The following SLC25A21 variants were observed in gnomAD, a reference collection of about 807,000 sequenced individuals.
SLC25A21 encodes mitochondrial 2-oxodicarboxylate carrier.
Under a neutral mutation model 43.8 loss-of-function variants are expected in SLC25A21, and 47 were observed. That is an observed-to-expected ratio of 1.07 (90% CI 0.85 to 1.37). The LOEUF (loss-of-function observed/expected upper bound fraction) is 1.37, where lower values mean the gene tolerates loss of function less well. SLC25A21 is among the 40% of genes most tolerant of loss of function. SLC25A21 has a pLI of 0.00. For synonymous variants in SLC25A21, 131 were observed against 121.3 expected (o/e 1.08, Z -0.52); for missense variants, 352 against 350.2 (o/e 1.00, Z -0.04).
chr14:36,746,091 C>G (rs868203706), intron 3 of SLC25A21, among the ~76,000 whole-genome samples: 16 of 152,100 alleles, frequency 1.1e-4, no homozygotes, highest in African/African-American at 3.9e-4. Context: ...ATCCATCAAT[C>G]CCACTACTGG....
At chr14:36,700,669 A>C (rs1177370614) in intron 7 of SLC25A21, among the ~76,000 whole-genome samples, 1 of 152,212 alleles carries the variant, frequency 6.6e-6, no homozygotes, top group Non-Finnish European at 1.5e-5. Flanking sequence ...ACTTGTTCAA[A>C]ATATCTAAAG....
At chr14:36,848,310 C>T (rs1039374010) in intron 2 of SLC25A21, among the ~76,000 whole-genome samples, 2 of 152,136 alleles carry the variant, frequency 1.3e-5, no homozygotes, top group African/African-American at 2.4e-5. Flanking sequence ...AAGAATTATA[C>T]GTTATGTATA....
intron 3 of SLC25A21, among the ~76,000 whole-genome samples, chr14:36,773,349 C>A (rs1054949886): frequency 5.9e-5 from 9 of 152,156 alleles, no homozygotes; most frequent in African/African-American, 2.2e-4. Flanking sequence ...AATTAACATT[C>A]ATCTGGGAGG....
chr14:36,952,726 A>G (rs2138663739), intron 1 of SLC25A21, among the ~76,000 whole-genome samples: 1 of 152,324 alleles, frequency 6.6e-6, no homozygotes, highest in African/African-American at 2.4e-5. Flanking sequence ...AAACAAAAAC[A>G]GTGATTCCTT....
Position 36,795,976 on chromosome 14 carries a change from AAGG to A in SLC25A21, c.203+17939_203+17941del, listed in dbSNP as rs369826802. Among the ~76,000 whole-genome samples the A allele has an allele frequency of 2.1e-3, 316 of 152,340 alleles. 3 individuals carry two copies. The highest frequency in any genetic ancestry group is 7.2e-3 in the African/African-American group (299 of 41,586). ...TCAGAACAAGAATAACCTAAATGCCAAGGAGTTGTTCCAGCTCATCAAAGTCAT... is the reference window on the plus strand; with the variant it reads ...TCAGAACAAGAATAACCTAAATGCCAAGTTGTTCCAGCTCATCAAAGTCAT... On this transcript the variant is annotated intron_variant, in intron 3 of 9. Transcript: ENST00000331299.
chr14:37,169,580 AACACAC>A (rs1321339179), intron 1 of SLC25A21, among the ~76,000 whole-genome samples: 2 of 145,190 alleles, frequency 1.4e-5, no homozygotes, highest in African/African-American at 5.0e-5. Context: ...AAAAGGTCAT[AACACAC>A]ACACACACAC....
intron 1 of SLC25A21, among the ~76,000 whole-genome samples, chr14:36,967,000 A>G (rs1959632365): frequency 6.6e-6 from 1 of 152,176 alleles, no homozygotes; most frequent in African/African-American, 2.4e-5. Flanking sequence ...ATATATGTAT[A>G]TCCCCTTAGC....
At chr14:36,922,327 T>C (rs886431256) in intron 1 of SLC25A21, among the ~76,000 whole-genome samples, 1 of 152,072 alleles carries the variant, frequency 6.6e-6, no homozygotes, top group African/African-American at 2.4e-5. Context: ...AAGTTATCTC[T>C]ATGATCGTTC....
chr14:36,918,847 A>C (rs2138621338), intron 1 of SLC25A21, among the ~76,000 whole-genome samples: 1 of 152,278 alleles, frequency 6.6e-6, no homozygotes. Context: ...AAGCTGTAAA[A>C]GGAAAAGCCC....
chr14:37,128,170 T>TA (rs1963329223), intron 1 of SLC25A21, among the ~76,000 whole-genome samples: 1 of 152,162 alleles, frequency 6.6e-6, no homozygotes, highest in South Asian at 2.1e-4. Flanking sequence ...ACCAATGGAT[T>TA]AAAAAATATT....
chr14:36,948,567 A>C (rs77179051), intron 1 of SLC25A21, among the ~76,000 whole-genome samples: 105 of 152,300 alleles, frequency 6.9e-4, no homozygotes, highest in African/African-American at 2.5e-3. Flanking sequence ...AAAATGATCA[A>C]CATTAAAAAG....
chr14:37,099,206 T>C (rs1175945386), intron 1 of SLC25A21, among the ~76,000 whole-genome samples: 1 of 152,152 alleles, frequency 6.6e-6, no homozygotes, highest in Non-Finnish European at 1.5e-5. Context: ...ATCCTTTTCT[T>C]GCACCTTCTC....
intron 1 of SLC25A21, among the ~76,000 whole-genome samples, chr14:36,941,337 C>T (rs996292318): frequency 1.3e-5 from 2 of 152,026 alleles, no homozygotes; most frequent in Non-Finnish European, 2.9e-5. Context: ...TTATGCTGCA[C>T]AAAATTGTAT....
chr14:36,815,160 G>A (rs1888410849), intron 2 of SLC25A21, among the ~76,000 whole-genome samples: 1 of 152,004 alleles, frequency 6.6e-6, no homozygotes, highest in South Asian at 2.1e-4. Flanking sequence ...CACACACCAG[G>A]GCCAGTTGGC....
At chr14:37,063,713 G>T (rs1215651107) in intron 1 of SLC25A21, among the ~76,000 whole-genome samples, 1 of 152,106 alleles carries the variant, frequency 6.6e-6, no homozygotes, top group African/African-American at 2.4e-5. Context: ...AGTCTGGAAA[G>T]CAGGCCTCCT....
chr14:36,841,024 T>C (rs1889368186), intron 2 of SLC25A21, among the ~76,000 whole-genome samples: 1 of 152,236 alleles, frequency 6.6e-6, no homozygotes, highest in African/African-American at 2.4e-5. Context: ...TGTTAATTAT[T>C]TTTCTTTTTG....
intron 2 of SLC25A21, among the ~76,000 whole-genome samples, chr14:36,860,812 G>A (rs924369705): frequency 3.3e-5 from 5 of 152,056 alleles, no homozygotes; most frequent in Admixed American, 1.3e-4. Context: ...GAAGTTCATC[G>A]CAATGTTGTA....
intron 1 of SLC25A21, among the ~76,000 whole-genome samples, chr14:37,154,570 T>C (rs1325035052): frequency 2.6e-5 from 4 of 152,050 alleles, no homozygotes; most frequent in African/African-American, 4.8e-5. Flanking sequence ...AAAATATTGA[T>C]TTTAAAGAAA....
intron 1 of SLC25A21, among the ~76,000 whole-genome samples, chr14:37,125,370 C>T (rs1963279871): frequency 6.6e-6 from 1 of 152,102 alleles, no homozygotes; most frequent in African/African-American, 2.4e-5. Context: ...ATCCACAAGC[C>T]CCTCGTCTTC....
Sources: allele counts gnomAD v4.1 joint callset (sites outside exome capture counted in the v4.1 genomes callset), GRCh38; gene constraint gnomAD v4.1.1; transcripts MANE v1.5; gene names NCBI Gene and HGNC (gene_info 2026-07-23, HGNC 2026-07-21).